The following GLB1L3 variants were observed in gnomAD, a reference collection of about 807,000 sequenced individuals.
GLB1L3 encodes beta-galactosidase-1-like protein 3.
In GLB1L3, 89 loss-of-function variants were observed where a neutral mutation model predicts 89.5. The ratio of observed to expected loss-of-function variants is 0.99; its 90% CI spans 0.84 to 1.19. The LOEUF is 1.19. Among genes scored for constraint, GLB1L3 ranks in the 50% most tolerant of loss-of-function variants. The pLI, the probability that GLB1L3 is intolerant of heterozygous loss-of-function variation, is 0.00. For missense variants in GLB1L3, 812 were observed against 813.3 expected (o/e 1.00, Z 0.02); for synonymous variants, 314 against 312.3 (o/e 1.01, Z -0.06).
At chr11:134,308,446 T>TCACCAC (rs1164537686) in intron 10 of GLB1L3, among the ~76,000 whole-genome samples, 1 of 16,870 alleles carries the variant, frequency 5.9e-5, no homozygotes, top group Non-Finnish European at 1.0e-4. Flanking sequence ...ACCACCACCA[T>TCACCAC]CACCACCACC....
Position 134,314,353 on chromosome 11 carries a change from C to A in GLB1L3, c.1691C>A (p.Pro564His), listed in dbSNP as rs1467168202. The A allele has an allele frequency of 6.5e-7, 1 of 1,550,196 alleles. No individual in the cohort carries two copies. The highest frequency in any genetic ancestry group is 8.7e-7 in the Non-Finnish European group (1 of 1,146,560). Residue 564 changes from proline to histidine, a missense_variant, in exon 18 of 20, where the codon CCT becomes CAT. By Grantham distance (77) the Pro-to-His change is moderately conservative (BLOSUM62 -2). Coordinates refer to ENST00000431683, the MANE Select transcript of GLB1L3 (RefSeq NM_001080407.3). Reference sequence around the variant, plus strand: ...AGGCTCCGCTCTGCCACCTGGAAGCCTGTCCCAGACAGCCACCAGGGCCCG... The same window carrying A: ...AGGCTCCGCTCTGCCACCTGGAAGCATGTCCCAGACAGCCACCAGGGCCCG... ...FERLRSATWK[P>H]VPDSHQGPAF...
chr11:134,295,726 T>A (rs920929992), intron 9 of GLB1L3, among the ~76,000 whole-genome samples: 13 of 152,338 alleles, frequency 8.5e-5, no homozygotes, highest in African/African-American at 2.9e-4. Context: ...ACTTTTTTTC[T>A]TTTCTAATAT....
intron 18 of GLB1L3, 80 bp downstream of exon 18, chr11:134,314,521 C>T (rs1942897185): frequency 3.5e-6 from 3 of 863,698 alleles, no homozygotes; most frequent in Admixed American, 2.1e-5. Flanking sequence ...GCCAGCGTTC[C>T]TGGAGGAATA....
chr11:134,319,968 C>G (rs1308564228), downstream of GLB1L3, among the ~76,000 whole-genome samples: 1 of 152,022 alleles, frequency 6.6e-6, no homozygotes, highest in Non-Finnish European at 1.5e-5. Context: ...GTCTATCTGG[C>G]TATAGTCAAG....
intron 7 of GLB1L3, among the ~76,000 whole-genome samples, chr11:134,290,575 C>CA (rs1211611023): frequency 9.0e-6 from 1 of 110,962 alleles, no homozygotes; most frequent in Non-Finnish European, 2.0e-5. Context: ...TCGTCCCCCC[C>CA]CGCCAAAAAA....
Position 134,288,797 on chromosome 11 carries a change from G to A in GLB1L3, c.637-1G>A, listed in dbSNP as rs376743011. 1 of 1,611,714 alleles carries A rather than the reference G, an allele frequency of 6.2e-7. No homozygotes were observed. On this transcript the variant is annotated splice_acceptor_variant, in intron 6 of 19. Coordinates refer to ENST00000431683, the MANE Select transcript of GLB1L3 (RefSeq NM_001080407.3). LOFTEE classifies it high-confidence loss of function. ...TTAACCCTCCTATGCTTGTTTCTCA[G>A]TACCGCCAGGCAGGCCCTGTCATCG...
intron 10 of GLB1L3, among the ~76,000 whole-genome samples, chr11:134,308,652 T>TCACCACCACCACCACCACCAC (rs1555080609): frequency 4.7e-5 from 5 of 105,382 alleles, no homozygotes; most frequent in South Asian, 3.7e-4. Flanking sequence ...ATCACCACCA[T>TCACCACCACCACCACCACCAC]CATCACCACC....
the GLB1L3 span, among the ~76,000 whole-genome samples, chr11:134,324,956 T>C: frequency 1.3e-5 from 2 of 152,080 alleles, no homozygotes; most frequent in Admixed American, 1.3e-4. Context: ...ATACTACATT[T>C]TATATTTTAA....
intron 13 of GLB1L3, chr11:134,311,381 C>G: frequency 1.8e-6 from 1 of 545,890 alleles, no homozygotes; most frequent in Non-Finnish European, 3.3e-6. Context: ...GGCAGCAGGA[C>G]GTCGGAGGAT....
In GLB1L3 at chr11:134,314,410, C is replaced by T; in HGVS notation, c.1748C>T (p.Pro583Leu). ...TACTGTGGGACCTTGAAGGCTGGCC[C>T]TTCTCCCAAGGACACCTTCCTGAGC... The part of the protein sequence containing the change: ...AFYCGTLKAG[P>L]SPKDTFLSLL... The change falls in exon 18 of 20, where the codon CCT (proline) becomes CTT (leucine). Residue 583 changes from proline (P) to leucine (L), a missense_variant. Physicochemically the swap from Pro to Leu is moderately conservative, Grantham distance 98. Coordinates refer to ENST00000431683, the MANE Select transcript of GLB1L3 (RefSeq NM_001080407.3). The T allele has an allele frequency of 6.4e-7, 1 of 1,551,576 alleles. No homozygotes were observed. The highest frequency in any genetic ancestry group is 8.7e-7 in the Non-Finnish European group (1 of 1,146,860).
intron 15 of GLB1L3, 90 bp downstream of exon 15, chr11:134,312,977 C>A: frequency 2.2e-6 from 2 of 906,430 alleles, no homozygotes; most frequent in Non-Finnish European, 3.6e-6. Flanking sequence ...CCCTTCTCCA[C>A]CCCTGCTGCT....
chr11:134,308,556 T>TCAC (rs199930926), intron 10 of GLB1L3, among the ~76,000 whole-genome samples: 36,613 of 56,256 alleles, frequency 0.65, 10,695 homozygotes, highest in Non-Finnish European at 0.7. Flanking sequence ...ACCATCACCA[T>TCAC]CACCACCACC....
chr11:134,278,549 A>G (rs1465803221), intron 3 of GLB1L3, among the ~76,000 whole-genome samples: 2 of 152,084 alleles, frequency 1.3e-5, no homozygotes, highest in Non-Finnish European at 2.9e-5. Context: ...AGGGAACACC[A>G]CGGTCGTCCT....
In GLB1L3 at chr11:134,309,762, TG is replaced by T; in HGVS notation, c.1099+1del. ...GKHSGIVTSYDYDAVLTEAGD... is the reference protein window; with the variant it reads ...GKHSGIVTSYXYDAVLTEAGD... ...AGCACTCGGGCATTGTCACCAGCTA[TG>T]GCAAGTGTCGCTGGTGTAGTAGCCT... On this transcript the variant is annotated frameshift_variant and splice_region_variant, in exon 11 of 20. Transcript: ENST00000431683. LOFTEE classifies it high-confidence loss of function. 6.2e-7 allele frequency: 1 copy of T among 1,613,092 alleles called. No individual in the cohort carries two copies. Among genetic ancestry groups the T allele is most frequent in the South Asian group, 1.1e-5 (1 of 90,724 alleles).
chr11:134,277,149 G>A (rs753581911), intron 1 of GLB1L3, 177 bp from the exon 2 acceptor site: 4 of 757,280 alleles, frequency 5.3e-6, no homozygotes, highest in Admixed American at 3.9e-5. Context: ...GGCTGCAGAG[G>A]ACTGGCCGGG....
intron 10 of GLB1L3, among the ~76,000 whole-genome samples, chr11:134,308,205 C>CCACCACCACCAG (rs1942323631): frequency 1.3e-4 from 4 of 29,952 alleles, no homozygotes; most frequent in African/African-American, 6.0e-4. Flanking sequence ...ATCACCACTA[C>CCACCACCACCAG]CACCACCACC....
chr11:134,276,283 T>G, upstream of GLB1L3: 1 of 155,856 alleles, frequency 6.4e-6, no homozygotes, highest in Non-Finnish European at 1.4e-5. Context: ...GAACCCTCGT[T>G]TTAGGATCTG....
chr11:134,323,935 A>G (rs568044), downstream of GLB1L3, among the ~76,000 whole-genome samples: 46,239 of 152,074 alleles, frequency 0.3, 7,350 homozygotes, highest in Admixed American at 0.36. Context: ...AAGAGGCCCT[A>G]CCTTATACTG....
In GLB1L3 at chr11:134,276,815, C is replaced by T. The variant is rs1218150695; in HGVS notation, c.23+52C>T. 23 of 1,348,194 alleles carry T rather than the reference C, an allele frequency of 1.7e-5. No homozygotes were observed. In the African/African-American group the frequency reaches 2.4e-4, roughly 14 times the overall value. 83.5% of individuals were successfully genotyped at this position (1,348,194 alleles called of 1,614,324 possible). A position where few individuals can be genotyped will look rare whatever the true frequency, so the allele number is the denominator to read the frequency against. On this transcript the variant is annotated intron_variant, in intron 1 of 19. Transcript: ENST00000431683. The stretch of plus-strand genomic sequence containing the variant: ...GCTGCCCACCACCCCGGCGCGTGCC[C>T]GGGAGCCTCCACCCTCCCCGGGTTC...
Sources: allele counts gnomAD v4.1 joint callset (sites outside exome capture counted in the v4.1 genomes callset), GRCh38; gene constraint gnomAD v4.1.1; transcripts MANE v1.5; gene names NCBI Gene and HGNC (gene_info 2026-07-23, HGNC 2026-07-21).